The following KIFC3 variants were observed in gnomAD, a reference collection of about 807,000 sequenced individuals.
The protein encoded by KIFC3 is kinesin family member C3.
Under a neutral mutation model 101.8 loss-of-function variants are expected in KIFC3, and 60 were observed. The observed-to-expected ratio is 0.59, with a 90% CI of 0.48 to 0.73. KIFC3 has a LOEUF of 0.73. KIFC3 is among the 30% of genes least tolerant of loss of function. KIFC3 has a pLI of 0.00. For synonymous variants in KIFC3, 476 were observed against 482.7 expected, an observed-to-expected ratio of 0.99 and a Z score of 0.18; for missense variants, 966 against 1,137.1, an observed-to-expected ratio of 0.85 and a Z score of 2.16.
intron 1 of KIFC3, among the ~76,000 whole-genome samples, chr16:57,823,068 T>A (rs2149279958): frequency 6.6e-6 from 1 of 152,352 alleles, no homozygotes; most frequent in South Asian, 2.1e-4. Context: ...AGCCTCATTA[T>A]ACTTTCCTCC....
chr16:57,771,351 C>T lies in KIFC3; in HGVS notation c.612G>A (p.Glu204=), dbSNP rs558660766. Residue 204 remains glutamate (E), a synonymous_variant, in exon 6 of 20, where the codon GAG becomes GAA. Transcript: ENST00000445690. ...CCAGCCGGTCGGTCTTCTGCTGCAC[C>T]TCTAGGTTCAGCTCTGACAGCATGC... ...SKGMLSELNL[E]VQQKTDRLAE... is the part of the protein sequence containing the mutation. 1.2e-6 allele frequency: 2 copies of T among 1,613,804 alleles called. No homozygotes were observed. Among genetic ancestry groups the T allele is most frequent in the African/African-American group, 2.7e-5 (2 of 75,080 alleles).
At chr16:57,813,248 A>T (rs2055134328) in intron 1 of KIFC3, among the ~76,000 whole-genome samples, 1 of 152,108 alleles carries the variant, frequency 6.6e-6, no homozygotes, top group Non-Finnish European at 1.5e-5. Context: ...GAATCACTTG[A>T]ACTCGGGATG....
chr16:57,855,357 T>C (rs571476054), intron 1 of KIFC3, among the ~76,000 whole-genome samples: 47 of 151,994 alleles, frequency 3.1e-4, no homozygotes, highest in African/African-American at 1.1e-3. Context: ...ACACTGGGCC[T>C]CATGTGATCT....
rs142490370 is a variant in KIFC3, at chr16:57,759,792, G to A, written c.2412C>T (p.His804=). ...TACTGGTCCCAGAGCTGGGGGCTGA[G>A]TGGGCCCGTGCCGAGGGCTGTGGCG... ...CQTPQPSARA[H]SAPSSGTSSR... Residue 804 remains histidine (H), a synonymous_variant, in exon 18 of 20, where the codon CAC becomes CAT. Transcript: ENST00000445690. 4 of 1,611,020 alleles carry A rather than the reference G, an allele frequency of 2.5e-6. No homozygotes were observed. The highest frequency in any genetic ancestry group is 2.7e-5 in the African/African-American group (2 of 74,802).
At chr16:57,825,103 C>T (rs1172629153) in intron 1 of KIFC3, among the ~76,000 whole-genome samples, 4 of 152,178 alleles carry the variant, frequency 2.6e-5, no homozygotes, top group Admixed American at 6.5e-5. Context: ...CAGCCCAGCC[C>T]TCCTAGCAGG....
intron 3 of KIFC3, among the ~76,000 whole-genome samples, chr16:57,787,912 G>C (rs1431159034): frequency 2.0e-5 from 3 of 152,204 alleles, no homozygotes; most frequent in African/African-American, 7.2e-5. Flanking sequence ...TGACAGAAAG[G>C]CCAGCTCCTT....
intron 2 of KIFC3, among the ~76,000 whole-genome samples, chr16:57,795,956 C>A (rs1406495136): frequency 7.6e-6 from 1 of 131,782 alleles, no homozygotes; most frequent in East Asian, 2.4e-4. Flanking sequence ...TGCAGTGGTG[C>A]GATCTTGGCT....
chr16:57,789,951 G>A (rs946857197), intron 3 of KIFC3, among the ~76,000 whole-genome samples: 14 of 151,872 alleles, frequency 9.2e-5, no homozygotes, highest in African/African-American at 3.4e-4. Context: ...TGGCCAGGCT[G>A]GTCTCGAACT....
intron 1 of KIFC3, among the ~76,000 whole-genome samples, chr16:57,848,065 C>T (rs1337154473): frequency 2.0e-5 from 3 of 152,150 alleles, no homozygotes; most frequent in Admixed American, 6.6e-5. Flanking sequence ...GCATTACAGG[C>T]GTGGGCCACC....
chr16:57,779,821 A>G (rs2052515247), intron 3 of KIFC3: 1 of 152,102 alleles, frequency 6.6e-6, no homozygotes, highest in Admixed American at 6.5e-5. Flanking sequence ...AAAAATAAAA[A>G]TAAATAAATA....
chr16:57,780,382 G>A (rs1338601167), intron 3 of KIFC3, among the ~76,000 whole-genome samples: 3 of 151,768 alleles, frequency 2.0e-5, no homozygotes, highest in Non-Finnish European at 4.4e-5. Context: ...GTGGTGGTGT[G>A]CACCTGTAGT....
chr16:57,808,946 T>C (rs1377383471), intron 1 of KIFC3, among the ~76,000 whole-genome samples: 3 of 152,188 alleles, frequency 2.0e-5, no homozygotes, highest in African/African-American at 4.8e-5. Flanking sequence ...GCTGCAGTTA[T>C]AGTGGGAGGC....
At chr16:57,819,166 G>T (rs2055298075) in intron 1 of KIFC3, among the ~76,000 whole-genome samples, 1 of 152,124 alleles carries the variant, frequency 6.6e-6, no homozygotes, top group South Asian at 2.1e-4. Context: ...GCTCACAAGG[G>T]TCCCACAAAA....
chr16:57,759,447 G>A, intron 18 of KIFC3: 1 of 583,976 alleles, frequency 1.7e-6, no homozygotes, highest in Non-Finnish European at 3.0e-6. Context: ...CATGCTCAGA[G>A]AGCAGGGTCC....
At chr16:57,826,777 G>A (rs1272295886) in intron 1 of KIFC3, among the ~76,000 whole-genome samples, 8 of 152,204 alleles carry the variant, frequency 5.3e-5, no homozygotes, top group Admixed American at 4.6e-4. Context: ...GAGACACACA[G>A]TGGAGTTCAG....
chr16:57,856,613 C>G (rs1272791028), intron 1 of KIFC3, among the ~76,000 whole-genome samples: 1 of 151,782 alleles, frequency 6.6e-6, no homozygotes, highest in African/African-American at 2.4e-5. Flanking sequence ...AACCCAAAAG[C>G]TGGTTCTTTG....
At chr16:57,791,643 G>A (rs782589591) in intron 3 of KIFC3, among the ~76,000 whole-genome samples, 4 of 152,236 alleles carry the variant, frequency 2.6e-5, no homozygotes, top group East Asian at 1.9e-4. Context: ...TGGTGCCAGC[G>A]TCCCAGAGAT....
chr16:57,782,358 A>G (rs1440281578), intron 3 of KIFC3: 1 of 155,762 alleles, frequency 6.4e-6, no homozygotes, highest in Admixed American at 6.5e-5. Flanking sequence ...AAACTCTCCC[A>G]GTAACAACAA....
chr16:57,811,698 T>C (rs2055078120), intron 1 of KIFC3, among the ~76,000 whole-genome samples: 1 of 151,986 alleles, frequency 6.6e-6, no homozygotes, highest in Non-Finnish European at 1.5e-5. Flanking sequence ...GGTGGATCAT[T>C]TGAGGTCAGG....
Sources: gnomAD v4.1 joint callset for allele counts (sites outside exome capture counted in the v4.1 genomes callset) on GRCh38, gnomAD v4.1.1 for gene constraint, MANE v1.5 for transcripts, NCBI Gene and HGNC (gene_info 2026-07-23, HGNC 2026-07-21) for gene names.